Variants in SPATA16 observed in about 807,000 individuals in gnomAD.
The protein encoded by SPATA16 is spermatogenesis associated 16, also known as spermatogenesis-associated protein 16.
Under a neutral mutation model 63.3 loss-of-function variants are expected in SPATA16, and 36 were observed. That is an observed-to-expected ratio of 0.57 (90% CI 0.44 to 0.75). The LOEUF is 0.75. Among genes scored for constraint, SPATA16 ranks in the 30% least tolerant of loss-of-function variants. The probability of loss-of-function intolerance (pLI) is 0.00; values close to 1 mark genes in which losing one functional copy is unlikely to be tolerated. For missense variants in SPATA16, 646 were observed against 679.3 expected (o/e 0.95, Z 0.54); for synonymous variants, 203 against 216.7 (o/e 0.94, Z 0.56).
chr3:172,900,009 T>A (rs1732094126), intron 10 of SPATA16, among the ~76,000 whole-genome samples: 1 of 152,188 alleles, frequency 6.6e-6, no homozygotes. Flanking sequence ...TTATTTTTAG[T>A]CATACTTTTG....
intron 2 of SPATA16, among the ~76,000 whole-genome samples, chr3:173,085,412 A>G (rs59480691): frequency 6.6e-6 from 1 of 151,960 alleles, no homozygotes; most frequent in African/African-American, 2.4e-5. Context: ...GAATTTTTGG[A>G]TTGAGATGAT....
At chr3:172,971,795 T>C (rs1182929968) in intron 5 of SPATA16, among the ~76,000 whole-genome samples, 4 of 152,090 alleles carry the variant, frequency 2.6e-5, no homozygotes, top group Non-Finnish European at 5.9e-5. Context: ...GACAATAACA[T>C]TGTGGGTGCT....
intron 2 of SPATA16, among the ~76,000 whole-genome samples, chr3:173,105,447 C>T (rs1737597239): frequency 6.6e-6 from 1 of 152,196 alleles, no homozygotes; most frequent in Admixed American, 6.5e-5. Context: ...TCCTCAAAAC[C>T]TCGAGTCCAT....
intron 2 of SPATA16, among the ~76,000 whole-genome samples, chr3:173,108,952 T>C (rs1296513891): frequency 1.3e-5 from 2 of 152,190 alleles, no homozygotes; most frequent in African/African-American, 4.8e-5. Flanking sequence ...CAAAATTGCC[T>C]AATGACACAT....
chr3:173,004,890 G>A (rs1734906504), intron 4 of SPATA16, among the ~76,000 whole-genome samples: 1 of 152,134 alleles, frequency 6.6e-6, no homozygotes, highest in South Asian at 2.1e-4. Flanking sequence ...CATAATTTTA[G>A]TATTTGCAGA....
At chr3:172,922,797 C>G (rs775738000) in intron 8 of SPATA16, among the ~76,000 whole-genome samples, 6 of 152,126 alleles carry the variant, frequency 3.9e-5, no homozygotes, top group Non-Finnish European at 7.3e-5. Flanking sequence ...GTGGCACATG[C>G]TGTAATCCCG....
chr3:172,927,917 CT>C (rs531763924), intron 6 of SPATA16, among the ~76,000 whole-genome samples: 2 of 149,888 alleles, frequency 1.3e-5, no homozygotes. Flanking sequence ...CTTTTTTTTT[CT>C]TTTTTTTTGA....
intron 6 of SPATA16, among the ~76,000 whole-genome samples, chr3:172,941,548 A>G (rs1733147645): frequency 6.6e-6 from 1 of 152,206 alleles, no homozygotes; most frequent in Admixed American, 6.5e-5. Flanking sequence ...TCAAGGCACC[A>G]ATATTTTAGA....
At chr3:172,909,469 T>C (rs548257887) in intron 10 of SPATA16, among the ~76,000 whole-genome samples, 1 of 152,260 alleles carries the variant, frequency 6.6e-6, no homozygotes, top group Admixed American at 6.5e-5. Flanking sequence ...TGACACCCAG[T>C]TCATAGGAGC....
chr3:173,123,499 TG>T (rs1738140881), intron 1 of SPATA16, among the ~76,000 whole-genome samples: 2 of 152,320 alleles, frequency 1.3e-5, no homozygotes, highest in African/African-American at 4.8e-5. Flanking sequence ...ACTTTACTGC[TG>T]CTTTACTGGG....
intron 3 of SPATA16, 63 bp from the exon 4 acceptor site, chr3:173,019,638 C>A (rs1339479370): frequency 1.3e-5 from 18 of 1,437,840 alleles, no homozygotes; most frequent in Non-Finnish European, 1.6e-5. Context: ...ACCACAAGTG[C>A]AATGGAATGA....
At chr3:173,132,824 T>G (rs1194926264) in intron 1 of SPATA16, among the ~76,000 whole-genome samples, 1 of 152,118 alleles carries the variant, frequency 6.6e-6, no homozygotes, top group Non-Finnish European at 1.5e-5. Flanking sequence ...CGGATAGCAA[T>G]GCGGTAGACA....
Position 172,981,104 on chromosome 3 carries a change from C to T in SPATA16, c.849-4052G>A, listed in dbSNP as rs114107138. On this transcript the variant is annotated intron_variant, in intron 4 of 10. Transcript: ENST00000351008. The stretch of plus-strand genomic sequence containing the variant: ...ATAGCTCATGCTGTCATCTAGTGTA[C>T]ACTCTCCCACTTGGCTTCCACTGTG... Among the ~76,000 whole-genome samples, 553 of 152,248 alleles carry T rather than the reference C, an allele frequency of 3.6e-3. 3 individuals are homozygous for T. The highest frequency in any genetic ancestry group is 0.013 in the African/African-American group (540 of 41,540).
chr3:172,928,466 G>A (rs1732791291), intron 6 of SPATA16, among the ~76,000 whole-genome samples: 1 of 152,188 alleles, frequency 6.6e-6, no homozygotes, highest in African/African-American at 2.4e-5. Flanking sequence ...TGTATGAAAA[G>A]GCAGCTGAGT....
rs753105007 is a variant in SPATA16, at chr3:173,117,554, G to A, written c.178C>T (p.Leu60Phe). Residue 60 changes from leucine to phenylalanine, a missense_variant, in exon 2 of 11, where the codon CTT becomes TTT. Transcript: ENST00000351008. ...CCCTTTGTCATTTTTGTTCTTTCAAGTGTGATTTCTACCTGTTTACCTCCA... is the reference window on the plus strand; with the variant it reads ...CCCTTTGTCATTTTTGTTCTTTCAAATGTGATTTCTACCTGTTTACCTCCA... Reference protein sequence around the residue: ...NCGGKQVEITLERTKMTKGIK... With the variant: ...NCGGKQVEITFERTKMTKGIK... 3.7e-6 allele frequency: 6 copies of A among 1,613,844 alleles called. No individual in the cohort carries two copies. In the East Asian group the frequency reaches 1.3e-4, roughly 36 times the overall value.
At chr3:173,125,884 T>C (rs1738213779) in intron 1 of SPATA16, among the ~76,000 whole-genome samples, 1 of 152,248 alleles carries the variant, frequency 6.6e-6, no homozygotes, top group Non-Finnish European at 1.5e-5. Flanking sequence ...TTGATGATGG[T>C]ATCTTATTAC....
At chr3:172,914,487 T>A (rs1285603324) in intron 9 of SPATA16, among the ~76,000 whole-genome samples, 1 of 152,158 alleles carries the variant, frequency 6.6e-6, no homozygotes, top group Non-Finnish European at 1.5e-5. Flanking sequence ...CCTTAGATAA[T>A]CTTTCTTTGG....
chr3:173,019,478 A>C lies in SPATA16; in HGVS notation c.848+8T>G, dbSNP rs1422268383. 1.9e-6 allele frequency: 3 copies of C among 1,612,946 alleles called. No individual in the cohort carries two copies. In the Admixed American group the frequency reaches 5.0e-5, roughly 27 times the overall value. ...TATAAATCCTCACAAAAGTTAAAACAAACATACCGGGCAGCCTCTGAATAC... is the reference window on the plus strand; with the variant it reads ...TATAAATCCTCACAAAAGTTAAAACCAACATACCGGGCAGCCTCTGAATAC... On this transcript the variant is annotated splice_region_variant and intron_variant, in intron 4 of 10. Coordinates refer to ENST00000351008, the MANE Select transcript of SPATA16 (RefSeq NM_031955.6).
intron 1 of SPATA16, among the ~76,000 whole-genome samples, chr3:173,140,514 A>G (rs1293443567): frequency 6.6e-6 from 1 of 152,214 alleles, no homozygotes; most frequent in Non-Finnish European, 1.5e-5. Flanking sequence ...TACGCCAGGC[A>G]TGATGTTAGG....
Sources: allele counts gnomAD v4.1 joint callset (sites outside exome capture counted in the v4.1 genomes callset), GRCh38; gene constraint gnomAD v4.1.1; transcripts MANE v1.5; gene names NCBI Gene and HGNC (gene_info 2026-07-23, HGNC 2026-07-21).